Variants in SNAPC3 observed in about 807,000 individuals in gnomAD.
The protein encoded by SNAPC3 is snRNA-activating protein complex subunit 3.
SNAPC3 carries 56 observed loss-of-function variants against 47.7 expected under a neutral mutation model. That is an observed-to-expected ratio of 1.18 (90% confidence interval 0.95 to 1.47). SNAPC3 has a LOEUF of 1.47. Ranked by LOEUF, SNAPC3 falls within the 40% of genes most tolerant of loss-of-function variation. The pLI is 0.00. For synonymous variants in SNAPC3, 235 were observed against 189.9 expected (o/e 1.24, Z -1.95); for missense variants, 665 against 511.3 (o/e 1.30, Z -2.90).
intron 5 of SNAPC3, among the ~76,000 whole-genome samples, chr9:15,447,749 G>C (rs2034058715): frequency 6.6e-6 from 1 of 152,158 alleles, no homozygotes; most frequent in Non-Finnish European, 1.5e-5. Context: ...CAAAAGGCTG[G>C]AGTCGACCTG....
In SNAPC3 at chr9:15,444,682, C is replaced by A; in HGVS notation, c.558C>A (p.Ile186=). ...GGGAGCTTATCCTATCTGTGAATAT[C>A]TTGTACCCTGTTATATTTCATAAGG... is the stretch of plus-strand genomic sequence containing the variant. ...EEGELILSVN[I]LYPVIFHKHK... The change falls in exon 4 of 9, where the codon ATC becomes ATA. Residue 186 remains isoleucine, a synonymous_variant. Transcript: ENST00000380821. 1 of 1,600,446 alleles carries A rather than the reference C, an allele frequency of 6.2e-7. No individual in the cohort carries two copies. The highest frequency in any genetic ancestry group is 8.6e-7 in the Non-Finnish European group (1 of 1,168,084).
chr9:15,436,905 C>T (rs1329806233), intron 3 of SNAPC3, among the ~76,000 whole-genome samples: 1 of 150,466 alleles, frequency 6.6e-6, no homozygotes, highest in African/African-American at 2.4e-5. Flanking sequence ...CTCACCGCAA[C>T]CTTCGCCTCC....
At chr9:15,433,744 T>G (rs924059834) in intron 3 of SNAPC3, 108 bp downstream of exon 3, 8 of 640,228 alleles carry the variant, frequency 1.2e-5, no homozygotes, top group Non-Finnish European at 2.1e-5. Context: ...ATATGCTTAG[T>G]TGAAAACAAA....
intron 2 of SNAPC3, 69 bp from the exon 3 acceptor site, chr9:15,433,483 A>T: frequency 3.2e-6 from 3 of 952,344 alleles, no homozygotes; most frequent in Non-Finnish European, 4.9e-6. Context: ...TGAATGTTAA[A>T]TATGTTTTTG....
rs184196563 is a variant in SNAPC3 at position 15,434,173 on chromosome 9, C to T, written c.477+537C>T. Among the ~76,000 whole-genome samples the T allele has an allele frequency of 3.9e-5, 6 of 152,238 alleles. No homozygotes were observed. The East Asian group carries it at 9.6e-4, about 24-fold the overall frequency. On this transcript the variant is annotated intron_variant, in intron 3 of 8. Coordinates refer to ENST00000380821, the MANE Select transcript of SNAPC3 (RefSeq NM_001039697.2). Reference sequence around the variant, plus strand: ...CATAACATAAAATTTACCATTTTGACCATTTTAAAGTGTTCAATTAAGTGG... The same window carrying T: ...CATAACATAAAATTTACCATTTTGATCATTTTAAAGTGTTCAATTAAGTGG...
intron 3 of SNAPC3, among the ~76,000 whole-genome samples, chr9:15,440,815 G>A (rs1360416763): frequency 1.3e-5 from 2 of 152,166 alleles, no homozygotes; most frequent in Non-Finnish European, 2.9e-5. Flanking sequence ...TGGGCGCGGT[G>A]GCGAGTGTCT....
downstream of SNAPC3, among the ~76,000 whole-genome samples, chr9:15,466,231 T>C (rs1014710827): frequency 1.3e-5 from 2 of 152,088 alleles, no homozygotes; most frequent in Admixed American, 1.3e-4. Flanking sequence ...TACAAAAAAT[T>C]AGATGGGCGT....
chr9:15,423,234 A>G, intron 1 of SNAPC3, 41 bp downstream of exon 1: 1 of 1,527,508 alleles, frequency 6.5e-7, no homozygotes, highest in Non-Finnish European at 8.7e-7. Flanking sequence ...TTGGGGTCAA[A>G]CAGGGTGCAG....
At chr9:15,425,777 C>T (rs2031298999) in intron 2 of SNAPC3, among the ~76,000 whole-genome samples, 2 of 152,198 alleles carry the variant, frequency 1.3e-5, no homozygotes, top group Non-Finnish European at 2.9e-5. Flanking sequence ...ACTCCCTTGC[C>T]TAAAACCTTT....
intron 3 of SNAPC3, among the ~76,000 whole-genome samples, chr9:15,439,117 T>C (rs1386280123): frequency 1.3e-5 from 2 of 152,050 alleles, no homozygotes; most frequent in East Asian, 3.9e-4. Context: ...TCAAGTTATC[T>C]TCCCACCTCC....
At chr9:15,435,779 C>T (rs2032724786) in intron 3 of SNAPC3, among the ~76,000 whole-genome samples, 1 of 150,146 alleles carries the variant, frequency 6.7e-6, no homozygotes, top group Non-Finnish European at 1.5e-5. Context: ...TAGACCCTTA[C>T]CATATAAGTA....
rs1421734163 is a variant in SNAPC3, at chr9:15,453,071, T to C, written c.846T>C (p.Asp282=). 7 of 1,613,638 alleles carry C rather than the reference T, an allele frequency of 4.3e-6. No individual in the cohort carries two copies. The highest frequency in any genetic ancestry group is 5.9e-6 in the Non-Finnish European group (7 of 1,179,702). Residue 282 remains aspartate (D), a synonymous_variant, in exon 7 of 9, where the codon GAT becomes GAC. Transcript: ENST00000380821. ...TCATTGAGTGGTCAGAGTCCCATGA[T>C]AGAGGCTATGGAAAGTTTCAGACTG... The part of the protein sequence containing the change: ...RTIIEWSESH[D]RGYGKFQTAR...
chr9:15,433,821 A>G (rs1587212774), intron 3 of SNAPC3, 185 bp downstream of exon 3: 1 of 411,406 alleles, frequency 2.4e-6, no homozygotes. Context: ...AAGTGACCAC[A>G]TGTTTGACTT....
At position 15,459,728 on chromosome 9, in the gene SNAPC3, G is replaced by A. The variant is rs113748924; in HGVS notation, c.1098G>A (p.Thr366=). ...VCKMYTARWV[T]NNDSFAPEDP... ...TTTTTAAAAACTACAGATGGGTGACGAACAATGACAGTTTTGCACCAGAGG... is the reference window on the plus strand; with the variant it reads ...TTTTTAAAAACTACAGATGGGTGACAAACAATGACAGTTTTGCACCAGAGG... Residue 366 remains threonine (T), a synonymous_variant, in exon 9 of 9, where the codon ACG becomes ACA. Transcript: ENST00000380821. The A allele has an allele frequency of 8.1e-6, 13 of 1,612,152 alleles. No individual in the cohort carries two copies. Among genetic ancestry groups the A allele is most frequent in the Admixed American group, 3.4e-5 (2 of 59,694 alleles).
chr9:15,457,772 G>C (rs1333993119), intron 7 of SNAPC3, among the ~76,000 whole-genome samples, 188 bp from the exon 8 acceptor site: 2 of 152,076 alleles, frequency 1.3e-5, no homozygotes, highest in Non-Finnish European at 2.9e-5. Context: ...AAATGCTCTT[G>C]GAGAAAGTAT....
chr9:15,439,175 A>G (rs1351860020), intron 3 of SNAPC3, among the ~76,000 whole-genome samples: 2 of 152,128 alleles, frequency 1.3e-5, no homozygotes, highest in East Asian at 3.9e-4. Flanking sequence ...ATGCTGAGTT[A>G]AGTTTTTGTA....
chr9:15,443,818 G>A lies in SNAPC3; in HGVS notation c.478-784G>A, dbSNP rs531016869. ...GCCTGTCTCATCGGCGAGGGGCGAA[G>A]GAGTGAGGGTGGTAGTTGATTTGCA... On this transcript the variant is annotated intron_variant, in intron 3 of 8. Transcript: ENST00000380821. Among the ~76,000 whole-genome samples the A allele has an allele frequency of 5.3e-5, 8 of 152,376 alleles. No homozygotes were observed. The East Asian group carries it at 1.2e-3, about 22-fold the overall frequency.
At chr9:15,448,907 T>A (rs779234780) in intron 5 of SNAPC3, among the ~76,000 whole-genome samples, 1 of 152,096 alleles carries the variant, frequency 6.6e-6, no homozygotes, top group Non-Finnish European at 1.5e-5. Context: ...CCTCCCAGTT[T>A]CAAGTGATTC....
chr9:15,447,487 G>A (rs755691778), intron 5 of SNAPC3, among the ~76,000 whole-genome samples: 6 of 150,862 alleles, frequency 4.0e-5, no homozygotes, highest in Non-Finnish European at 8.8e-5. Flanking sequence ...TTCCTTCTGG[G>A]CTAATAGTGA....
Sources: gnomAD v4.1 joint callset for allele counts (sites outside exome capture counted in the v4.1 genomes callset) on GRCh38, gnomAD v4.1.1 for gene constraint, MANE v1.5 for transcripts, NCBI Gene and HGNC (gene_info 2026-07-23, HGNC 2026-07-21) for gene names.